FOXP2: variants seen among roughly 807,000 people sequenced by gnomAD.
FOXP2 encodes the protein forkhead box P2.
Under a neutral mutation model 115.8 loss-of-function variants are expected in FOXP2, and 12 were observed. That is an observed-to-expected ratio of 0.10 (90% CI 0.07 to 0.17). The LOEUF (loss-of-function observed/expected upper bound fraction) is 0.17. Ranked by LOEUF, FOXP2 falls within the 10% of genes least tolerant of loss-of-function variation. The probability of loss-of-function intolerance (pLI) is 1.00; values close to 1 mark genes in which losing one functional copy is unlikely to be tolerated. For synonymous variants in FOXP2, 328 were observed against 297.7 expected (o/e 1.10, Z -1.05); for missense variants, 629 against 843.5 (o/e 0.75, Z 3.15).
chr7:114,323,897 G>T (rs944426532), intron 2 of FOXP2, among the ~76,000 whole-genome samples: 11 of 151,950 alleles, frequency 7.2e-5, no homozygotes, highest in Non-Finnish European at 1.0e-4. Flanking sequence ...ATTCAAACTA[G>T]AAGTTCTGTG....
chr7:114,567,044 T>C (rs1368813022), intron 3 of FOXP2, among the ~76,000 whole-genome samples: 2 of 152,034 alleles, frequency 1.3e-5, no homozygotes, highest in African/African-American at 4.8e-5. Flanking sequence ...AAATATTTCT[T>C]TACTCATATA....
chr7:114,367,886 A>G (rs1346915260), intron 2 of FOXP2, among the ~76,000 whole-genome samples: 1 of 152,198 alleles, frequency 6.6e-6, no homozygotes, highest in African/African-American at 2.4e-5. Context: ...GTGTATATAC[A>G]TAATTCTATA....
intron 3 of FOXP2, among the ~76,000 whole-genome samples, chr7:114,553,072 T>TA (rs57017873): frequency 1.7e-4 from 25 of 151,382 alleles, no homozygotes; most frequent in African/African-American, 4.4e-4. Context: ...ACTGTGAAAT[T>TA]AAAAAAAAAC....
intron 2 of FOXP2, among the ~76,000 whole-genome samples, chr7:114,308,365 TC>T (rs1305129064): frequency 6.6e-6 from 1 of 152,128 alleles, no homozygotes; most frequent in African/African-American, 2.4e-5. Context: ...TAGTTTGAAC[TC>T]CCTAGGTCTC....
chr7:114,294,911 TATACATAC>T (rs199913892), intron 2 of FOXP2, among the ~76,000 whole-genome samples: 9 of 151,298 alleles, frequency 5.9e-5, no homozygotes, highest in East Asian at 1.9e-4. Context: ...TGCATGCATA[TATACATAC>T]ATACATACAT....
intron 1 of FOXP2, among the ~76,000 whole-genome samples, chr7:114,089,379 T>C (rs1358169683): frequency 1.3e-5 from 2 of 152,080 alleles, no homozygotes; most frequent in Admixed American, 6.5e-5. Context: ...ATGAATACTT[T>C]ATAGTTAGGT....
chr7:114,168,349 T>C (rs927837043), intron 1 of FOXP2, among the ~76,000 whole-genome samples: 2 of 152,178 alleles, frequency 1.3e-5, no homozygotes, highest in Non-Finnish European at 2.9e-5. Flanking sequence ...ATATGGACGA[T>C]AAAGTCTAGG....
At chr7:114,559,734 A>G (rs1800664913) in intron 3 of FOXP2, among the ~76,000 whole-genome samples, 1 of 151,912 alleles carries the variant, frequency 6.6e-6, no homozygotes, top group South Asian at 2.1e-4. Context: ...AAACACCACA[A>G]AAAAATTAGC....
At chr7:114,432,372 A>G (rs894066863) in intron 2 of FOXP2, among the ~76,000 whole-genome samples, 5 of 151,964 alleles carry the variant, frequency 3.3e-5, no homozygotes, top group South Asian at 2.1e-4. Flanking sequence ...AGAAACCATA[A>G]TCATTGAGGT....
chr7:114,239,859 C>T (rs950348444), intron 1 of FOXP2, among the ~76,000 whole-genome samples: 3 of 152,166 alleles, frequency 2.0e-5, no homozygotes, highest in African/African-American at 7.2e-5. Flanking sequence ...AACATGCACA[C>T]ACACACACAA....
rs140955009 is a variant in FOXP2 at position 114,303,754 on chromosome 7, G to C, written c.-11+15645G>C. On this transcript the variant is annotated intron_variant, in intron 2 of 17. Transcript: ENST00000634411. ...AGTTAACTCATTTCTTTACAGTTTA[G>C]TTATTGGTTAGTTGTGAACTTTGTG... 8.8e-3 allele frequency among the ~76,000 whole-genome samples: 1,346 copies of C among 152,118 alleles called. 18 individuals are homozygous for C. Among genetic ancestry groups the C allele is most frequent in the African/African-American group, 0.03 (1,248 of 41,488 alleles).
chr7:114,248,327 A>G (rs577336452), intron 1 of FOXP2, among the ~76,000 whole-genome samples: 9 of 152,328 alleles, frequency 5.9e-5, no homozygotes, highest in African/African-American at 2.2e-4. Flanking sequence ...CAGTCTCTCA[A>G]TTCAGATGTT....
In FOXP2 at chr7:114,692,954, A is replaced by G. The variant is rs1202241493; in HGVS notation, c.*3028A>G. ...AACAGCTGTTATTCGTTCTGTATTC[A>G]TGGCTTTCACTGCTGAATAAAATAA... On this transcript the variant is annotated 3_prime_UTR_variant, in exon 17 of 17. Transcript: ENST00000350908. 8.8e-6 allele frequency: 4 copies of G among 453,798 alleles called. No individual in the cohort carries two copies. Among genetic ancestry groups the G allele is most frequent in the South Asian group, 1.6e-5 (1 of 64,460 alleles). The allele number at this position is 453,798 out of a possible 1,614,324, so 28.1% of individuals were successfully genotyped here.
At chr7:114,634,866 T>C (rs1805129068) in intron 6 of FOXP2, among the ~76,000 whole-genome samples, 1 of 152,186 alleles carries the variant, frequency 6.6e-6, no homozygotes, top group Non-Finnish European at 1.5e-5. Context: ...AACGTTTGTG[T>C]ACTCTAATCC....
intron 1 of FOXP2, among the ~76,000 whole-genome samples, chr7:114,188,505 TTAAAGGTAGCTCCTCAATATAGGTAA>T (rs1793671236): frequency 1.3e-5 from 2 of 152,226 alleles, no homozygotes; most frequent in Non-Finnish European, 2.9e-5. Flanking sequence ...ACCACCCTAC[TTAAAGGTAGCTCCTCAATATAGGTAA>T]TAAAGGTAAC....
intron 2 of FOXP2, among the ~76,000 whole-genome samples, chr7:114,366,230 C>T (rs753985521): frequency 2.0e-5 from 3 of 151,936 alleles, no homozygotes; most frequent in Non-Finnish European, 4.4e-5. Flanking sequence ...GCTGTGTGAT[C>T]GAAACTACTA....
In FOXP2 at chr7:114,692,305, T is replaced by G; in HGVS notation, c.*2379T>G. ...TTGAAAGGAAGTCTCAGCCACAGAA[T>G]GCATATACCTGTAGAGTTTTGCATG... is the stretch of plus-strand genomic sequence containing the variant. On this transcript the variant is annotated 3_prime_UTR_variant, in exon 17 of 17. Transcript: ENST00000350908. 1 of 454,030 alleles carries G rather than the reference T, an allele frequency of 2.2e-6. No homozygotes were observed. The allele number at this position is 454,030 out of a possible 1,614,324, so 28.1% of individuals were successfully genotyped here. A position where few individuals can be genotyped will look rare whatever the true frequency, so the allele number is the denominator to read the frequency against.
rs536486428 is a variant in FOXP2, at chr7:114,107,466, G to A, written c.-247+19628G>A. On this transcript the variant is annotated intron_variant, in intron 1 of 19. Transcript: ENST00000635638. ...ACCAAGCTTTTAATTATAGGTGTTAGGCACTAAGGAAGAGCATTTTAAAGA... is the reference window on the plus strand; with the variant it reads ...ACCAAGCTTTTAATTATAGGTGTTAAGCACTAAGGAAGAGCATTTTAAAGA... 2.3e-4 allele frequency among the ~76,000 whole-genome samples: 35 copies of A among 151,976 alleles called. 1 individual carries two copies. In the South Asian group the frequency reaches 6.8e-3, roughly 30 times the overall value.
chr7:114,689,683 C>A, intron 16 of FOXP2, 99 bp from the exon 17 acceptor site: 1 of 1,192,968 alleles, frequency 8.4e-7, no homozygotes, highest in African/African-American at 1.5e-5. Context: ...AATGTTGTGT[C>A]TTCTTGCCTT....
Sources: gnomAD v4.1 joint callset for allele counts (sites outside exome capture counted in the v4.1 genomes callset) on GRCh38, gnomAD v4.1.1 for gene constraint, MANE v1.5 for transcripts, NCBI Gene and HGNC (gene_info 2026-07-23, HGNC 2026-07-21) for gene names.